Variants in GRAMD2B observed in about 807,000 individuals in gnomAD.
GRAMD2B encodes GRAM domain-containing protein 2B.
A neutral mutation model predicts 59.2 loss-of-function variants in GRAMD2B; 41 were observed. That is an observed-to-expected ratio of 0.69 (90% confidence interval 0.54 to 0.90). The LOEUF (loss-of-function observed/expected upper bound fraction) is 0.90. GRAMD2B is among the 40% of genes least tolerant of loss of function. The pLI is 0.00. For missense variants in GRAMD2B, 424 were observed against 500.5 expected (o/e 0.85, Z 1.46); for synonymous variants, 161 against 182.7 (o/e 0.88, Z 0.96).
intron 1 of GRAMD2B, chr5:126,462,394 C>T: frequency 1.0e-6 from 1 of 985,056 alleles, no homozygotes; most frequent in Non-Finnish European, 1.2e-6. Flanking sequence ...CTAGCCTCTG[C>T]TGCTTGAATT....
At chr5:126,372,661 G>C (rs977364978) in intron 1 of GRAMD2B, among the ~76,000 whole-genome samples, 3 of 152,058 alleles carry the variant, frequency 2.0e-5, no homozygotes, top group African/African-American at 7.2e-5. Context: ...TTATTAAAAT[G>C]AATCTATCTT....
chr5:126,366,679 G>A (rs181743107), upstream of GRAMD2B, among the ~76,000 whole-genome samples: 595 of 151,970 alleles, frequency 3.9e-3, 6 homozygotes, highest in Non-Finnish European at 4.2e-3. Context: ...CCTTTTCCAG[G>A]CAACCTGACC....
At position 126,424,929 on chromosome 5, in the gene GRAMD2B, T is replaced by C. The variant is rs150811562; in HGVS notation, c.83+1240T>C. On this transcript the variant is annotated intron_variant, in intron 1 of 13. Transcript: ENST00000285689. ...AGCCAGGATTCAAGCCCAGGTCTCC[T>C]AACTTTACAGCATGAACTTAGAACC... Among the ~76,000 whole-genome samples the C allele has an allele frequency of 3.5e-3, 535 of 152,360 alleles. 3 individuals are homozygous for C. Among genetic ancestry groups the C allele is most frequent in the African/African-American group, 0.012 (511 of 41,580 alleles).
intron 1 of GRAMD2B, among the ~76,000 whole-genome samples, chr5:126,401,311 CT>C (rs1232536403): frequency 1.3e-5 from 2 of 151,918 alleles, no homozygotes; most frequent in Non-Finnish European, 2.9e-5. Flanking sequence ...TTCTATCTTG[CT>C]GTTAAACTTC....
chr5:126,480,469 C>A lies in GRAMD2B; in HGVS notation c.596C>A (p.Ser199Tyr). The change falls in exon 7 of 14, where the codon TCC becomes TAC. Residue 199 changes from serine (S) to tyrosine (Y), a missense_variant. Transcript: ENST00000285689. ...ATVTDRYIFV[S>Y]LLSRDSTYKL... is the part of the protein sequence containing the mutation. The stretch of plus-strand genomic sequence containing the variant: ...TTTGTTTTTCAGTACATATTTGTCT[C>A]CTTACTCTCCAGAGATTCAACTTAC... 6.2e-7 allele frequency: 1 copy of A among 1,611,104 alleles called. No homozygotes were observed. Among genetic ancestry groups the A allele is most frequent in the Non-Finnish European group, 8.5e-7 (1 of 1,177,294 alleles).
At chr5:126,461,331 T>C (rs1326961375) in intron 1 of GRAMD2B, among the ~76,000 whole-genome samples, 1 of 152,230 alleles carries the variant, frequency 6.6e-6, no homozygotes, top group Non-Finnish European at 1.5e-5. Flanking sequence ...AGAGTTCTAA[T>C]TCTGAAAAAT....
At chr5:126,426,892 A>G (rs1364911057) in intron 1 of GRAMD2B, among the ~76,000 whole-genome samples, 1 of 152,204 alleles carries the variant, frequency 6.6e-6, no homozygotes, top group East Asian at 1.9e-4. Flanking sequence ...CTCATCACCG[A>G]ACTGCATATT....
chr5:126,484,495 A>C lies in GRAMD2B; in HGVS notation c.941A>C (p.Glu314Ala), dbSNP rs377088451. The C allele has an allele frequency of 6.3e-5, 101 of 1,614,004 alleles. No homozygotes were observed. The Middle Eastern group carries it at 9.9e-4, about 16-fold the overall frequency. ...GATGCCCATGTGAACAGAGTACCTGAAGGAAAAGCCAAGAGTCTCCCTGTA... is the reference window on the plus strand; with the variant it reads ...GATGCCCATGTGAACAGAGTACCTGCAGGAAAAGCCAAGAGTCTCCCTGTA... Reference protein sequence around the residue: ...RADAHVNRVPEGKAKSLPVQG... With the variant: ...RADAHVNRVPAGKAKSLPVQG... The change falls in exon 10 of 14, where the codon GAA becomes GCA. Residue 314 changes from glutamate (E) to alanine (A), a missense_variant. By Grantham distance (107) the Glu-to-Ala change is moderately radical. Transcript: ENST00000285689.
chr5:126,397,817 C>T (rs547028905), intron 1 of GRAMD2B, among the ~76,000 whole-genome samples: 1 of 151,930 alleles, frequency 6.6e-6, no homozygotes, highest in South Asian at 2.1e-4. Flanking sequence ...GTAATGTTGG[C>T]CTGTAGGATT....
At chr5:126,437,315 G>T (rs1762570901) in intron 1 of GRAMD2B, among the ~76,000 whole-genome samples, 1 of 152,218 alleles carries the variant, frequency 6.6e-6, no homozygotes, top group Admixed American at 6.5e-5. Flanking sequence ...TGACGGAATG[G>T]ATTGACAGAG....
chr5:126,400,414 A>ATT (rs1757721917), intron 1 of GRAMD2B, among the ~76,000 whole-genome samples: 1 of 152,158 alleles, frequency 6.6e-6, no homozygotes, highest in African/African-American at 2.4e-5. Flanking sequence ...TGTATCTATT[A>ATT]ACAAATTATT....
intron 1 of GRAMD2B, among the ~76,000 whole-genome samples, chr5:126,441,879 G>C (rs1428961214): frequency 6.6e-6 from 1 of 152,064 alleles, no homozygotes; most frequent in African/African-American, 2.4e-5. Context: ...GACAACCTTA[G>C]ATGGTCATAG....
chr5:126,428,403 C>T (rs1265083056), intron 1 of GRAMD2B, among the ~76,000 whole-genome samples: 2 of 150,970 alleles, frequency 1.3e-5, no homozygotes, highest in African/African-American at 4.9e-5. Context: ...AGTATGACAC[C>T]CAATAGAGGA....
chr5:126,440,881 G>A (rs946295581), intron 1 of GRAMD2B, among the ~76,000 whole-genome samples: 12 of 151,936 alleles, frequency 7.9e-5, no homozygotes, highest in Non-Finnish European at 1.5e-5. Context: ...CTAATCATGG[G>A]GATAGAATAG....
intron 1 of GRAMD2B, among the ~76,000 whole-genome samples, chr5:126,464,658 A>G (rs76820097): frequency 0.037 from 5,561 of 152,278 alleles, 310 homozygotes; most frequent in African/African-American, 0.12. Context: ...CTGTAAGTCA[A>G]CACTATCCTA....
intron 1 of GRAMD2B, among the ~76,000 whole-genome samples, chr5:126,450,686 C>T (rs1026094577): frequency 1.3e-5 from 2 of 148,638 alleles, no homozygotes; most frequent in African/African-American, 4.9e-5. Flanking sequence ...AAATGTTGCT[C>T]ACTCTGTCCC....
At chr5:126,445,806 T>A (rs945460520) in intron 1 of GRAMD2B, among the ~76,000 whole-genome samples, 1 of 152,208 alleles carries the variant, frequency 6.6e-6, no homozygotes, top group Non-Finnish European at 1.5e-5. Context: ...GGAATCTCTC[T>A]TCTTCAGCTT....
chr5:126,408,869 G>A (rs1385016814), intron 1 of GRAMD2B, among the ~76,000 whole-genome samples: 2 of 124,740 alleles, frequency 1.6e-5, no homozygotes, highest in Non-Finnish European at 3.2e-5. Context: ...TCCCCAGAGT[G>A]TGATGTTCCC....
At chr5:126,451,798 G>A (rs10075984) in intron 1 of GRAMD2B, among the ~76,000 whole-genome samples, 84,926 of 151,992 alleles carry the variant, frequency 0.56, 24,855 homozygotes, top group Non-Finnish European at 0.66. Flanking sequence ...TGATTGGATC[G>A]CAGCAGTGGA....
Sources: allele counts gnomAD v4.1 joint callset (sites outside exome capture counted in the v4.1 genomes callset), GRCh38; gene constraint gnomAD v4.1.1; transcripts MANE v1.5; gene names NCBI Gene and HGNC (gene_info 2026-07-23, HGNC 2026-07-21).